QTMAN: variants seen among roughly 807,000 people sequenced by gnomAD.
QTMAN encodes the protein queuosine-tRNA mannosyltransferase, also known as tRNA-queuosine alpha-mannosyltransferase.
At chr2:144,271,321 C>T in the QTMAN span, among the ~76,000 whole-genome samples, 1 of 152,190 alleles carries the variant, frequency 6.6e-6, no homozygotes, top group African/African-American at 2.4e-5. Context: ...TTTGCTCACA[C>T]TCTAGAAATA....
chr2:144,093,927 TAA>T, the QTMAN span, among the ~76,000 whole-genome samples: 19 of 152,362 alleles, frequency 1.2e-4, no homozygotes, highest in Non-Finnish European at 1.5e-4. Flanking sequence ...GAATGCAATG[TAA>T]TTATCTTATT....
At chr2:144,160,597 G>A in the QTMAN span, among the ~76,000 whole-genome samples, 2 of 152,052 alleles carry the variant, frequency 1.3e-5, no homozygotes, top group East Asian at 1.9e-4. Context: ...TAACTTATGC[G>A]CAGAACCAGA....
the QTMAN span, among the ~76,000 whole-genome samples, chr2:144,105,400 AGT>A: frequency 3.9e-5 from 6 of 152,218 alleles, no homozygotes; most frequent in East Asian, 1.2e-3. Context: ...AGTGTAGAGA[AGT>A]CCTTAAATGA....
At chr2:144,315,010 C>T in the QTMAN span, among the ~76,000 whole-genome samples, 8 of 151,866 alleles carry the variant, frequency 5.3e-5, no homozygotes, top group Non-Finnish European at 1.2e-4. Flanking sequence ...CTCAGCTTCC[C>T]AAGTAGCTGG....
the QTMAN span, among the ~76,000 whole-genome samples, chr2:144,220,945 A>C: frequency 1.3e-5 from 2 of 152,204 alleles, no homozygotes; most frequent in Non-Finnish European, 2.9e-5. Context: ...AATTAAATTT[A>C]AAATATCAGA....
the QTMAN span, among the ~76,000 whole-genome samples, chr2:144,175,090 T>C: frequency 6.6e-6 from 1 of 152,112 alleles, no homozygotes. Flanking sequence ...GTGGGAGTCT[T>C]TGGATACAAT....
At chr2:143,999,547 T>C in the QTMAN span, among the ~76,000 whole-genome samples, 1 of 152,012 alleles carries the variant, frequency 6.6e-6, no homozygotes, top group Non-Finnish European at 1.5e-5. Flanking sequence ...ATCATGTATA[T>C]AACATAAAAA....
the QTMAN span, among the ~76,000 whole-genome samples, chr2:144,329,282 T>TG: frequency 6.6e-6 from 1 of 151,280 alleles, no homozygotes; most frequent in Admixed American, 6.6e-5. Context: ...TATTCTGATA[T>TG]TAAAAAAAAA....
At chr2:144,309,720 C>T in the QTMAN span, among the ~76,000 whole-genome samples, 1 of 152,090 alleles carries the variant, frequency 6.6e-6, no homozygotes, top group African/African-American at 2.4e-5. Context: ...TTAACTTGTA[C>T]ATTTAAAATA....
chr2:144,322,210 TTAAAGAAA>T, the QTMAN span, among the ~76,000 whole-genome samples: 1 of 152,188 alleles, frequency 6.6e-6, no homozygotes, highest in East Asian at 1.9e-4. Context: ...CCTTCTTTCC[TTAAAGAAA>T]GAGTTTTCAA....
the QTMAN span, among the ~76,000 whole-genome samples, chr2:144,297,146 T>C: frequency 6.6e-6 from 1 of 152,096 alleles, no homozygotes; most frequent in Non-Finnish European, 1.5e-5. Flanking sequence ...ATCATGAAAA[T>C]CTTCAATTAT....
the QTMAN span, among the ~76,000 whole-genome samples, chr2:144,231,884 GTGTGTGTGT>G: frequency 2.1e-5 from 3 of 141,570 alleles, no homozygotes; most frequent in South Asian, 7.2e-4. Flanking sequence ...GTGTGTGTGT[GTGTGTGTGT>G]TATCTTTACT....
At chr2:144,147,532 C>T in the QTMAN span, among the ~76,000 whole-genome samples, 5 of 151,720 alleles carry the variant, frequency 3.3e-5, no homozygotes, top group Admixed American at 2.6e-4. Flanking sequence ...TACATGGCAA[C>T]TTCTAGGTCT....
chr2:143,944,001 T>C, the QTMAN span: 2 of 152,080 alleles, frequency 1.3e-5, no homozygotes, highest in African/African-American at 2.4e-5. Context: ...AAATTAAAAT[T>C]GACTTTATTT....
At chr2:144,301,276 G>A in the QTMAN span, among the ~76,000 whole-genome samples, 1 of 152,172 alleles carries the variant, frequency 6.6e-6, no homozygotes, top group Non-Finnish European at 1.5e-5. Context: ...AGGCTGGAGT[G>A]CAGTAGCATG....
At chr2:144,111,999 C>A in the QTMAN span, among the ~76,000 whole-genome samples, 2 of 152,148 alleles carry the variant, frequency 1.3e-5, no homozygotes, top group Non-Finnish European at 2.9e-5. Context: ...GAGGTCAACA[C>A]ATGAAAAGCT....
chr2:144,107,541 C>G, the QTMAN span, among the ~76,000 whole-genome samples: 1 of 152,162 alleles, frequency 6.6e-6, no homozygotes, highest in Non-Finnish European at 1.5e-5. Flanking sequence ...TACACCCCCT[C>G]AAGACTAAAC....
the QTMAN span, among the ~76,000 whole-genome samples, chr2:144,041,381 C>T: frequency 6.6e-6 from 1 of 152,126 alleles, no homozygotes; most frequent in Admixed American, 6.6e-5. Context: ...TGTTTAAAGG[C>T]CAATCCTCTT....
At chr2:144,300,530 C>T in the QTMAN span, among the ~76,000 whole-genome samples, 2 of 152,072 alleles carry the variant, frequency 1.3e-5, no homozygotes, top group Non-Finnish European at 2.9e-5. Context: ...TCATCCATTA[C>T]CTGGATAACT....
Sources: gnomAD v4.1 joint callset for allele counts (sites outside exome capture counted in the v4.1 genomes callset) on GRCh38, gnomAD v4.1.1 for gene constraint, MANE v1.5 for transcripts, NCBI Gene and HGNC (gene_info 2026-07-23, HGNC 2026-07-21) for gene names.